Variants in AGBL4 observed in about 807,000 individuals in gnomAD.
AGBL4 encodes the protein AGBL carboxypeptidase 4, also known as cytosolic carboxypeptidase 6.
In AGBL4, 58 loss-of-function variants were observed where a neutral mutation model predicts 66.4. The ratio of observed to expected loss-of-function variants is 0.87; its 90% CI spans 0.71 to 1.09. The LOEUF is 1.09. AGBL4 is among the 50% of genes least tolerant of loss of function. The pLI is 0.00. For synonymous variants in AGBL4, 234 were observed against 222.9 expected (o/e 1.05, Z -0.44); for missense variants, 579 against 631.0 (o/e 0.92, Z 0.88).
At chr1:49,856,246 T>C (rs1646430491) in intron 1 of AGBL4, among the ~76,000 whole-genome samples, 1 of 152,056 alleles carries the variant, frequency 6.6e-6, no homozygotes, top group African/African-American at 2.4e-5. Context: ...AATGAGTAAT[T>C]TTAAAAACTT....
At chr1:49,657,989 A>T (rs947833037) in intron 3 of AGBL4, among the ~76,000 whole-genome samples, 1 of 152,210 alleles carries the variant, frequency 6.6e-6, no homozygotes, top group Admixed American at 6.5e-5. Flanking sequence ...ATGGCAACCA[A>T]AGACAAAATT....
chr1:48,679,324 C>T (rs1221357364), intron 6 of AGBL4, among the ~76,000 whole-genome samples: 1 of 152,164 alleles, frequency 6.6e-6, no homozygotes, highest in Non-Finnish European at 1.5e-5. Flanking sequence ...GTTCAAATTC[C>T]AGCTCTGACA....
intron 4 of AGBL4, among the ~76,000 whole-genome samples, chr1:49,242,593 A>G (rs548406554): frequency 9.2e-4 from 140 of 152,136 alleles, no homozygotes; most frequent in Admixed American, 1.5e-3. Context: ...GTTAAGAAAT[A>G]TTAATGAGTT....
chr1:49,795,082 GAGA>G (rs1304145883), intron 2 of AGBL4, among the ~76,000 whole-genome samples: 24 of 151,888 alleles, frequency 1.6e-4, no homozygotes, highest in Non-Finnish European at 4.4e-5. Flanking sequence ...TAAATTCATT[GAGA>G]AGAAGAAGAA....
chr1:48,668,003 T>G (rs1646215791), intron 6 of AGBL4, among the ~76,000 whole-genome samples: 2 of 150,216 alleles, frequency 1.3e-5, no homozygotes, highest in South Asian at 4.3e-4. Flanking sequence ...GGGGGAAGCA[T>G]TTGTTGTTGT....
At chr1:48,760,561 C>T (rs1644204218) in intron 6 of AGBL4, among the ~76,000 whole-genome samples, 1 of 152,132 alleles carries the variant, frequency 6.6e-6, no homozygotes, top group African/African-American at 2.4e-5. Context: ...TAATGTGAGA[C>T]CCCTGGAGGC....
intron 6 of AGBL4, among the ~76,000 whole-genome samples, chr1:48,819,319 T>C (rs968123859): frequency 3.3e-5 from 5 of 151,228 alleles, no homozygotes; most frequent in African/African-American, 1.2e-4. Context: ...TGAAAAGGAG[T>C]GATAAAAGGG....
intron 3 of AGBL4, among the ~76,000 whole-genome samples, chr1:49,666,501 G>T (rs886211996): frequency 1.3e-5 from 2 of 151,962 alleles, no homozygotes; most frequent in African/African-American, 4.8e-5. Flanking sequence ...GGGAGGTGGA[G>T]GTTGCAGTGA....
intron 3 of AGBL4, among the ~76,000 whole-genome samples, chr1:49,594,890 A>T (rs532781188): frequency 6.6e-6 from 1 of 152,264 alleles, no homozygotes; most frequent in Admixed American, 6.5e-5. Context: ...CCACCCAGTA[A>T]TGGGATTGCT....
chr1:49,255,812 C>T (rs553299528), intron 3 of AGBL4, among the ~76,000 whole-genome samples: 26 of 152,192 alleles, frequency 1.7e-4, no homozygotes, highest in Admixed American at 7.2e-4. Context: ...ACACATATAC[C>T]ATGGAATACT....
At chr1:48,827,651 T>C (rs1451757431) in intron 6 of AGBL4, among the ~76,000 whole-genome samples, 3 of 152,214 alleles carry the variant, frequency 2.0e-5, no homozygotes, top group African/African-American at 2.4e-5. Context: ...TGCAGACATG[T>C]AGTTCTGCAT....
At chr1:48,667,529 G>A (rs560186652) in intron 6 of AGBL4, among the ~76,000 whole-genome samples, 1 of 152,326 alleles carries the variant, frequency 6.6e-6, no homozygotes, top group South Asian at 2.1e-4. Context: ...AAACCACCCA[G>A]CTAAGCTGTT....
At chr1:49,952,252 C>T (rs890696075) in intron 1 of AGBL4, among the ~76,000 whole-genome samples, 6 of 151,798 alleles carry the variant, frequency 4.0e-5, no homozygotes, top group Admixed American at 1.3e-4. Context: ...TTAACCACTA[C>T]GCACACTGCC....
chr1:49,014,070 A>T (rs1338676048), intron 5 of AGBL4, among the ~76,000 whole-genome samples: 1 of 152,186 alleles, frequency 6.6e-6, no homozygotes, highest in African/African-American at 2.4e-5. Context: ...CAATAAAAAA[A>T]CCCTGAGGAA....
chr1:49,153,780 T>C (rs552141090), intron 4 of AGBL4, among the ~76,000 whole-genome samples: 4 of 152,090 alleles, frequency 2.6e-5, no homozygotes, highest in Admixed American at 2.0e-4. Context: ...AGTTAACAAA[T>C]TGCAATTTTG....
chr1:49,060,419 C>A lies in AGBL4; in HGVS notation c.378-14619G>T, dbSNP rs114792539. Among the ~76,000 whole-genome samples, 600 of 152,252 alleles carry A rather than the reference C, an allele frequency of 3.9e-3. 1 individual carries two copies. Among genetic ancestry groups the A allele is most frequent in the African/African-American group, 0.013 (558 of 41,548 alleles). ...CCTTTATAAACTACCCAATATGGGG[C>A]AGTTCTTTATGGCAATGTGAGAACA... On this transcript the variant is annotated intron_variant, in intron 4 of 13. Coordinates refer to ENST00000371839, the MANE Select transcript of AGBL4 (RefSeq NM_032785.4).
chr1:49,534,513 A>C (rs1308184894), intron 3 of AGBL4, among the ~76,000 whole-genome samples: 1 of 152,216 alleles, frequency 6.6e-6, no homozygotes, highest in East Asian at 1.9e-4. Flanking sequence ...TCTTCAGTCA[A>C]GTGTTTGCAA....
At chr1:49,945,940 G>A (rs1655166817) in intron 1 of AGBL4, among the ~76,000 whole-genome samples, 1 of 151,878 alleles carries the variant, frequency 6.6e-6, no homozygotes, top group African/African-American at 2.4e-5. Context: ...AGACTTTAGA[G>A]CAAAAGTTGA....
chr1:49,828,796 C>T (rs1318821139), intron 2 of AGBL4, among the ~76,000 whole-genome samples: 2 of 151,968 alleles, frequency 1.3e-5, no homozygotes, highest in Admixed American at 1.3e-4. Context: ...AGAGGCCAGC[C>T]GCGGTGGCTC....
Sources: gnomAD v4.1 joint callset for allele counts (sites outside exome capture counted in the v4.1 genomes callset) on GRCh38, gnomAD v4.1.1 for gene constraint, MANE v1.5 for transcripts, NCBI Gene and HGNC (gene_info 2026-07-23, HGNC 2026-07-21) for gene names.